C3orf20: variants seen among roughly 807,000 people sequenced by gnomAD.
The protein encoded by C3orf20 is family with sequence similarity 149 member C.
In C3orf20, 76 loss-of-function variants were observed where a neutral mutation model predicts 88.3. The ratio of observed to expected loss-of-function variants is 0.86; its 90% CI spans 0.72 to 1.04. The LOEUF (loss-of-function observed/expected upper bound fraction) is 1.04, where lower values mean the gene tolerates loss of function less well. Ranked by LOEUF, C3orf20 falls within the 50% of genes least tolerant of loss-of-function variation. The pLI is 0.00. For synonymous variants in C3orf20, 436 were observed against 437.4 expected (o/e 1.00, Z 0.04); for missense variants, 1,056 against 1,123.3 (o/e 0.94, Z 0.86).
chr3:14,704,729 CT>C, intron 7 of C3orf20, 111 bp downstream of exon 7: 1 of 1,315,824 alleles, frequency 7.6e-7, no homozygotes, highest in East Asian at 2.3e-5. Flanking sequence ...TCAGAGAAGC[CT>C]GGTGATGGGT....
intron 9 of C3orf20, among the ~76,000 whole-genome samples, chr3:14,719,831 A>G (rs1029946228): frequency 6.6e-6 from 1 of 152,064 alleles, no homozygotes; most frequent in African/African-American, 2.4e-5. Context: ...CTTACTTTTT[A>G]CTATTATTGT....
intron 15 of C3orf20, chr3:14,767,003 C>A (rs571592190): frequency 6.6e-6 from 1 of 152,496 alleles, no homozygotes; most frequent in South Asian, 2.1e-4. Flanking sequence ...GCACAGGAGA[C>A]CAGCGAGGGC....
At chr3:14,711,386 G>A (rs2033731435) in intron 7 of C3orf20, among the ~76,000 whole-genome samples, 1 of 151,866 alleles carries the variant, frequency 6.6e-6, no homozygotes. Context: ...TATTCTTAAG[G>A]CATTCACCCT....
At chr3:14,687,795 C>A (rs979558050) in intron 4 of C3orf20, among the ~76,000 whole-genome samples, 1 of 152,166 alleles carries the variant, frequency 6.6e-6, no homozygotes, top group Admixed American at 6.5e-5. Context: ...TTCTGGCATC[C>A]TCTGTGGGCT....
Position 14,757,624 on chromosome 3 carries a change from A to T in C3orf20, c.2194A>T (p.Asn732Tyr). 1 of 1,613,520 alleles carries T rather than the reference A, an allele frequency of 6.2e-7. No homozygotes were observed. The highest frequency in any genetic ancestry group is 8.5e-7 in the Non-Finnish European group (1 of 1,179,864). ...TSTGQLQWLL[N>Y]TLYNHQQRGR... Reference sequence around the variant, plus strand: ...CACTGGGCAGCTCCAGTGGCTGCTGAACACTCTCTACAACCACCAGCAGCG... The same window carrying T: ...CACTGGGCAGCTCCAGTGGCTGCTGTACACTCTCTACAACCACCAGCAGCG... The change falls in exon 13 of 17, where the codon AAC (asparagine) becomes TAC (tyrosine). Residue 732 changes from asparagine to tyrosine, a missense_variant. Physicochemically the swap from Asn to Tyr is moderately radical, Grantham distance 143. Coordinates refer to ENST00000253697, the MANE Select transcript of C3orf20 (RefSeq NM_032137.5).
intron 12 of C3orf20, among the ~76,000 whole-genome samples, chr3:14,735,534 T>C (rs1377732801): frequency 6.6e-6 from 1 of 152,194 alleles, no homozygotes; most frequent in Non-Finnish European, 1.5e-5. Flanking sequence ...TTTTGCACTA[T>C]TGTTGTCATG....
chr3:14,722,123 G>T (rs1381390070), intron 10 of C3orf20: 1 of 288,246 alleles, frequency 3.5e-6, no homozygotes, highest in Non-Finnish European at 6.8e-6. Flanking sequence ...CCAGATCTTC[G>T]CATCTCTTGG....
chr3:14,736,590 C>CT (rs200133127), intron 12 of C3orf20, among the ~76,000 whole-genome samples: 30,724 of 143,206 alleles, frequency 0.21, 3,823 homozygotes, highest in African/African-American at 0.33. Context: ...TGCGCCTGGC[C>CT]TTTTTTTTTT....
rs117639829 is a variant in C3orf20, at chr3:14,714,304, G to A, written c.1313+145G>A. On this transcript the variant is annotated intron_variant, in intron 8 of 16. Coordinates refer to ENST00000253697, the MANE Select transcript of C3orf20 (RefSeq NM_032137.5). ...TAGTAAGGCAGTGAGGCAGGGCTGA[G>A]GCTGTTTCTGCAGGGACATAGGAAC... 8.8e-4 allele frequency: 755 copies of A among 862,410 alleles called. 5 individuals are homozygous for A. In the Admixed American group the frequency reaches 9.0e-3, roughly 10 times the overall value. 53.4% of individuals were successfully genotyped at this position (862,410 alleles called of 1,614,324 possible).
chr3:14,736,340 G>A (rs1430561268), intron 12 of C3orf20, among the ~76,000 whole-genome samples: 2 of 149,640 alleles, frequency 1.3e-5, no homozygotes, highest in Non-Finnish European at 3.0e-5. Flanking sequence ...GCCCAGGCTA[G>A]AGTGCAGTGG....
chr3:14,685,460 T>TTCTC (rs60024348), intron 4 of C3orf20, among the ~76,000 whole-genome samples: 47,218 of 138,418 alleles, frequency 0.34, 8,675 homozygotes, highest in South Asian at 0.56. Context: ...CTCTCTCTGT[T>TTCTC]TCTCTCTCTC....
At position 14,760,004 on chromosome 3, in the gene C3orf20, C is replaced by A; in HGVS notation, c.2352+6C>A. On this transcript the variant is annotated splice_donor_region_variant and intron_variant, in intron 14 of 16. Transcript: ENST00000253697. Reference sequence around the variant, plus strand: ...TGGTGCAGGGGATGATTCTGGTGAGCCAGCAGGGACTTGCTATCCACTGCC... The same window carrying A: ...TGGTGCAGGGGATGATTCTGGTGAGACAGCAGGGACTTGCTATCCACTGCC... 1.2e-6 allele frequency: 2 copies of A among 1,607,828 alleles called. No individual in the cohort carries two copies. The highest frequency in any genetic ancestry group is 1.7e-6 in the Non-Finnish European group (2 of 1,174,338).
intron 1 of C3orf20, among the ~76,000 whole-genome samples, chr3:14,678,062 G>A (rs1334173492): frequency 1.3e-5 from 2 of 152,094 alleles, no homozygotes; most frequent in Non-Finnish European, 2.9e-5. Context: ...CCCTGTAGCG[G>A]CATCCAGTTC....
At chr3:14,754,202 A>G (rs934896969) in intron 12 of C3orf20, among the ~76,000 whole-genome samples, 1 of 152,112 alleles carries the variant, frequency 6.6e-6, no homozygotes, top group African/African-American at 2.4e-5. Context: ...TTCCCCTTGC[A>G]CCATGAGGCT....
rs746325194 is a variant in C3orf20, at chr3:14,683,060, G to A, written c.347G>A (p.Arg116His). Residue 116 changes from arginine to histidine, a missense_variant, in exon 3 of 17, where the codon CGC becomes CAC. Transcript: ENST00000253697. Reference protein sequence around the residue: ...VLLATTGAAKRSTLSPTMARQ... With the variant: ...VLLATTGAAKHSTLSPTMARQ... ...CTGGCAACCACTGGGGCAGCCAAGC[G>A]CTCCACCCTCTCTCCCACCATGGCC... The A allele has an allele frequency of 3.1e-6, 5 of 1,611,068 alleles. No individual in the cohort carries two copies. The highest frequency in any genetic ancestry group is 2.2e-5 in the East Asian group (1 of 44,758).
At chr3:14,699,725 G>T (rs775457619) in intron 5 of C3orf20, among the ~76,000 whole-genome samples, 39 of 152,208 alleles carry the variant, frequency 2.6e-4, no homozygotes, top group Non-Finnish European at 5.0e-4. Context: ...AGATTGGGGT[G>T]GGGGGTGTCA....
chr3:14,730,404 G>A (rs1380649814), intron 12 of C3orf20, among the ~76,000 whole-genome samples: 7 of 152,140 alleles, frequency 4.6e-5, no homozygotes, highest in Admixed American at 1.3e-4. Context: ...AAAATTAGCC[G>A]GGTGTGGTGG....
chr3:14,711,627 CTTTTTTTTT>C (rs35966332), intron 7 of C3orf20, among the ~76,000 whole-genome samples: 1 of 72,588 alleles, frequency 1.4e-5, no homozygotes, highest in African/African-American at 4.8e-5. Flanking sequence ...ATCCTGCCAG[CTTTTTTTTT>C]TTTTTTTTTT....
At chr3:14,688,814 G>A (rs1014767664) in intron 4 of C3orf20, among the ~76,000 whole-genome samples, 1 of 152,006 alleles carries the variant, frequency 6.6e-6, no homozygotes, top group Non-Finnish European at 1.5e-5. Flanking sequence ...TATATTTAGA[G>A]TATTGCAATT....
Sources: allele counts gnomAD v4.1 joint callset (sites outside exome capture counted in the v4.1 genomes callset), GRCh38; gene constraint gnomAD v4.1.1; transcripts MANE v1.5; gene names NCBI Gene and HGNC (gene_info 2026-07-23, HGNC 2026-07-21).